Variants in USP34 observed in about 807,000 individuals in gnomAD.
USP34 encodes the protein ubiquitin specific peptidase 34.
Under a neutral mutation model 460.3 loss-of-function variants are expected in USP34, and 70 were observed. That is an observed-to-expected ratio of 0.15 (90% CI 0.13 to 0.19). The LOEUF is 0.19. USP34 is among the 10% of genes least tolerant of loss of function. The pLI, the probability that USP34 is intolerant of heterozygous loss-of-function variation, is 1.00. For synonymous variants in USP34, 1,647 were observed against 1,405.3 expected (o/e 1.17, Z -3.85); for missense variants, 3,985 against 4,236.2 (o/e 0.94, Z 1.65).
rs1690841916 is a variant in USP34, at chr2:61,319,285, A to G, written c.3056T>C (p.Val1019Ala). The G allele has an allele frequency of 6.3e-7, 1 of 1,584,554 alleles. No homozygotes were observed. Among genetic ancestry groups the G allele is most frequent in the Admixed American group, 1.9e-5 (1 of 51,832 alleles). The change falls in exon 22 of 80, where the codon GTA becomes GCA. Residue 1019 changes from valine (V) to alanine (A), a missense_variant. Around this residue, in one of 14 missense-constraint regions of USP34, gnomAD observed 1,114 missense variants for 1,122.5 expected, o/e 0.99. Transcript: ENST00000398571. Reference protein sequence around the residue: ...EQVDILWHCLVEDSECYDDAL... With the variant: ...EQVDILWHCLAEDSECYDDAL... ...ATCATCATAACATTCAGAATCTTCT[A>G]CTAAACAATGCCATAAGATGTCAAC...
chr2:61,459,608 C>T (rs1052029753), intron 1 of USP34, among the ~76,000 whole-genome samples: 7 of 152,024 alleles, frequency 4.6e-5, no homozygotes, highest in African/African-American at 1.7e-4. Context: ...AACCCCGTCT[C>T]TACTAAAAAT....
In USP34 at chr2:61,405,855, A is replaced by C. The variant is rs758618145; in HGVS notation, c.405T>G (p.Thr135=). ...KSNSTRICNL[T]EEESSKSSDP... ...CAGAACTCTTTGAAGATTCCTCCTCAGTCAGATTACAAATTCTTGTAGAGT... is the reference window on the plus strand; with the variant it reads ...CAGAACTCTTTGAAGATTCCTCCTCCGTCAGATTACAAATTCTTGTAGAGT... Residue 135 remains threonine (T), a synonymous_variant, in exon 3 of 80, where the codon ACT becomes ACG. Coordinates refer to ENST00000398571, the MANE Select transcript of USP34 (RefSeq NM_014709.4). 16 of 1,613,894 alleles carry C rather than the reference A, an allele frequency of 9.9e-6. 1 individual carries two copies. In the South Asian group the frequency reaches 1.2e-4, roughly 12 times the overall value.
chr2:61,456,335 C>G lies in USP34; in HGVS notation c.43+14315G>C, dbSNP rs561175718. On this transcript the variant is annotated intron_variant, in intron 1 of 79. Transcript: ENST00000398571. ...CTGATTAGTTTAAACCAATCAAAGT[C>G]CATCCTCTTTGAACTCTATTTCAGG... Among the ~76,000 whole-genome samples the G allele has an allele frequency of 6.6e-5, 10 of 152,256 alleles. No individual in the cohort carries two copies. The South Asian group carries it at 1.7e-3, about 25-fold the overall frequency.
At chr2:61,443,567 C>G (rs888585330) in intron 1 of USP34, among the ~76,000 whole-genome samples, 1 of 150,282 alleles carries the variant, frequency 6.7e-6, no homozygotes, top group African/African-American at 2.4e-5. Flanking sequence ...TGAAAGAAAC[C>G]AATCTTAACT....
chr2:61,452,397 T>A (rs1695310476), intron 1 of USP34, among the ~76,000 whole-genome samples: 1 of 140,260 alleles, frequency 7.1e-6, no homozygotes, highest in African/African-American at 2.6e-5. Context: ...CGATCTCAGC[T>A]CATTGCAACC....
intron 10 of USP34, among the ~76,000 whole-genome samples, chr2:61,359,078 A>G (rs559248066): frequency 1.8e-4 from 27 of 152,346 alleles, no homozygotes; most frequent in Middle Eastern, 3.4e-3. Flanking sequence ...TCTTTTTTAC[A>G]AAACTGGAAA....
At chr2:61,283,003 C>T in intron 37 of USP34, 142 bp downstream of exon 37, 1 of 766,466 alleles carries the variant, frequency 1.3e-6, no homozygotes, top group Non-Finnish European at 2.0e-6. Context: ...TCAAAACACT[C>T]TAGACCTTAA....
intron 8 of USP34, among the ~76,000 whole-genome samples, chr2:61,373,827 A>G (rs1016385343): frequency 6.6e-6 from 1 of 152,094 alleles, no homozygotes. Context: ...AACCTCTCAT[A>G]CTGGTTGACT....
chr2:61,225,106 T>C (rs1378464826), intron 62 of USP34, among the ~76,000 whole-genome samples: 2 of 151,990 alleles, frequency 1.3e-5, no homozygotes, highest in African/African-American at 4.8e-5. Context: ...AAACATTTTC[T>C]GTAACAGATT....
chr2:61,387,863 ATT>A (rs1287428839), intron 5 of USP34, among the ~76,000 whole-genome samples: 8 of 149,966 alleles, frequency 5.3e-5, no homozygotes, highest in African/African-American at 1.9e-4. Flanking sequence ...AAAAATATAT[ATT>A]TTTACGTATA....
intron 57 of USP34, 48 bp downstream of exon 57, chr2:61,235,797 A>T (rs1362529359): frequency 3.2e-6 from 5 of 1,581,806 alleles, no homozygotes; most frequent in Non-Finnish European, 4.3e-6. Context: ...GGGGGGGAAA[A>T]AAAAAAGAAT....
intron 15 of USP34, 117 bp from the exon 16 acceptor site, chr2:61,344,146 T>A: frequency 3.5e-6 from 3 of 867,108 alleles, no homozygotes; most frequent in Non-Finnish European, 3.5e-6. Context: ...CGACATCTGC[T>A]TATTAACAAT....
intron 43 of USP34, among the ~76,000 whole-genome samples, chr2:61,262,315 G>GT (rs2103909482): frequency 6.6e-6 from 1 of 151,942 alleles, no homozygotes; most frequent in African/African-American, 2.4e-5. Context: ...CCAATAGGTA[G>GT]TTTTTCAATC....
chr2:61,431,437 C>A (rs994281438), intron 1 of USP34, among the ~76,000 whole-genome samples: 10 of 152,166 alleles, frequency 6.6e-5, no homozygotes, highest in African/African-American at 2.4e-4. Flanking sequence ...GTGTTGCCCA[C>A]ACTGGTCACT....
At chr2:61,248,802 C>A in intron 48 of USP34, 119 bp from the exon 49 acceptor site, 1 of 928,196 alleles carries the variant, frequency 1.1e-6, no homozygotes, top group Non-Finnish European at 1.5e-6. Flanking sequence ...TATAGTAGTT[C>A]CCCTTATCCA....
rs771185877 is a variant in USP34 at position 61,339,469 on chromosome 2, A to G, written c.2626T>C (p.Ser876Pro). The G allele has an allele frequency of 9.4e-6, 15 of 1,587,638 alleles. No homozygotes were observed. Among genetic ancestry groups the G allele is most frequent in the Non-Finnish European group, 1.2e-5 (14 of 1,167,152 alleles). ...IVQDEDAVNL[S>P]EGLINEAEKL... is the part of the protein sequence containing the mutation. ...TCTGCTTCATTTATTAATCCTTCAG[A>G]AAGATTAACCTATAAAAAATGTATA... The change falls in exon 18 of 80, where the codon TCT becomes CCT. Residue 876 changes from serine to proline, a missense_variant. By Grantham distance (74) the Ser-to-Pro change is moderately conservative. Around this residue, in one of 14 missense-constraint regions of USP34, gnomAD observed 46 missense variants for 83.1 expected, o/e 0.55. Transcript: ENST00000398571.
intron 67 of USP34, among the ~76,000 whole-genome samples, chr2:61,216,314 T>G (rs1292888721): frequency 6.6e-6 from 1 of 152,138 alleles, no homozygotes; most frequent in African/African-American, 2.4e-5. Flanking sequence ...AAAAAGCCAT[T>G]TGGCGGCTGG....
intron 23 of USP34, among the ~76,000 whole-genome samples, chr2:61,315,433 CGCA>C (rs1322690923): frequency 6.6e-6 from 1 of 151,318 alleles, no homozygotes; most frequent in Non-Finnish European, 1.5e-5. Context: ...AGTGCAGTGG[CGCA>C]ATCTTGGCTC....
At chr2:61,265,206 A>ACT in intron 43 of USP34, 191 bp downstream of exon 43, 1 of 612,386 alleles carries the variant, frequency 1.6e-6, no homozygotes, top group South Asian at 2.2e-5. Flanking sequence ...ACTAAACTGT[A>ACT]CTACAGCATT....
Sources: allele counts gnomAD v4.1 joint callset (sites outside exome capture counted in the v4.1 genomes callset), GRCh38; gene constraint gnomAD v4.1.1; regional missense constraint gnomAD v4.1.1; transcripts MANE v1.5; gene names NCBI Gene and HGNC (gene_info 2026-07-23, HGNC 2026-07-21).